Variants in CCDC14 observed in about 807,000 individuals in gnomAD.
CCDC14 encodes the protein coiled-coil domain-containing protein 14.
CCDC14 carries 71 observed loss-of-function variants against 81.4 expected under a neutral mutation model. The observed-to-expected ratio is 0.87, with a 90% CI of 0.72 to 1.06. The LOEUF is 1.06. Among genes scored for constraint, CCDC14 ranks in the 50% least tolerant of loss-of-function variants. The pLI, the probability that CCDC14 is intolerant of heterozygous loss-of-function variation, is 0.00. For missense variants in CCDC14, 1,046 were observed against 1,047.3 expected, an observed-to-expected ratio of 1.00 and a Z score of 0.02; for synonymous variants, 332 against 364.8, an observed-to-expected ratio of 0.91 and a Z score of 1.03.
the CCDC14 span, among the ~76,000 whole-genome samples, chr3:123,892,075 G>A: frequency 6.6e-6 from 1 of 152,160 alleles, no homozygotes; most frequent in Non-Finnish European, 1.5e-5. Flanking sequence ...TAACTATCTT[G>A]AGAAAAGCAC....
chr3:123,935,355 A>C (rs1487730113), intron 9 of CCDC14, among the ~76,000 whole-genome samples: 1 of 152,204 alleles, frequency 6.6e-6, no homozygotes, highest in Admixed American at 6.5e-5. Flanking sequence ...TGAAATGTCC[A>C]ACAAAATGTA....
the CCDC14 span, among the ~76,000 whole-genome samples, chr3:123,892,095 C>A: frequency 2.0e-5 from 3 of 152,170 alleles, no homozygotes; most frequent in Non-Finnish European, 4.4e-5. Context: ...CAGGAAAGAC[C>A]CGCCCCCATG....
intron 9 of CCDC14, among the ~76,000 whole-genome samples, chr3:123,936,197 G>A (rs1216618622): frequency 6.6e-6 from 1 of 151,688 alleles, no homozygotes; most frequent in Non-Finnish European, 1.5e-5. Flanking sequence ...TTCAGGGCTA[G>A]GCTTTTAAAA....
At chr3:123,928,731 T>C (rs1057185045) in intron 12 of CCDC14, among the ~76,000 whole-genome samples, 3 of 152,132 alleles carry the variant, frequency 2.0e-5, no homozygotes, top group African/African-American at 7.2e-5. Flanking sequence ...GTAAAAAAAT[T>C]ATAACGTTTA....
At chr3:123,910,754 A>G (rs983818313), downstream of CCDC14, among the ~76,000 whole-genome samples, 3 of 152,166 alleles carry the variant, frequency 2.0e-5, no homozygotes, top group Non-Finnish European at 4.4e-5. Context: ...AACTATTAAC[A>G]AGCTGTTTCA....
At chr3:123,946,776 C>A (rs1382521695) in intron 8 of CCDC14, 27 bp downstream of exon 8, 1 of 1,589,536 alleles carries the variant, frequency 6.3e-7, no homozygotes, top group South Asian at 1.2e-5. Context: ...TAACACCATA[C>A]TACAGAAAGT....
chr3:123,943,935 T>C (rs1183313475), intron 9 of CCDC14, among the ~76,000 whole-genome samples: 1 of 152,182 alleles, frequency 6.6e-6, no homozygotes, highest in East Asian at 1.9e-4. Context: ...TGAGCCGCTC[T>C]AGCAAATTAA....
chr3:123,905,052 G>T (rs2034277484), intron 5 of CCDC14, among the ~76,000 whole-genome samples: 2 of 152,162 alleles, frequency 1.3e-5, no homozygotes, highest in African/African-American at 4.8e-5. Context: ...AAGGGGAACT[G>T]GAAGAGTGAC....
intron 5 of CCDC14, among the ~76,000 whole-genome samples, chr3:123,951,835 A>C (rs924607747): frequency 2.0e-5 from 3 of 152,242 alleles, no homozygotes; most frequent in African/African-American, 7.2e-5. Flanking sequence ...TCAAAGCCTT[A>C]GAACTAAAAT....
intron 12 of CCDC14, among the ~76,000 whole-genome samples, chr3:123,928,985 A>C (rs2035547516): frequency 6.6e-6 from 1 of 152,224 alleles, no homozygotes; most frequent in Non-Finnish European, 1.5e-5. Flanking sequence ...AAAAAAATCA[A>C]AGTACTTTAT....
At chr3:123,907,381 G>A (rs982182523) in intron 5 of CCDC14, among the ~76,000 whole-genome samples, 3 of 151,904 alleles carry the variant, frequency 2.0e-5, no homozygotes, top group Non-Finnish European at 4.4e-5. Flanking sequence ...AAAGCCCATG[G>A]ATCCTCTCCC....
intron 12 of CCDC14, among the ~76,000 whole-genome samples, chr3:123,916,423 G>C (rs1324358016): frequency 6.6e-6 from 1 of 150,796 alleles, no homozygotes; most frequent in Non-Finnish European, 1.5e-5. Context: ...CTATTCATTT[G>C]TTATGGATTC....
downstream of CCDC14, among the ~76,000 whole-genome samples, chr3:123,894,859 G>A (rs13100237): frequency 0.099 from 15,091 of 151,928 alleles, 867 homozygotes; most frequent in Middle Eastern, 0.21. Context: ...TTGGAGTCTC[G>A]TTCTAAAAAG....
chr3:123,915,214 C>CTGTG lies in CCDC14; in HGVS notation c.2279_2282dup (p.Gln761HisfsTer17). On this transcript the variant is annotated frameshift_variant, in exon 13 of 13. Coordinates refer to ENST00000409697, the MANE Select transcript of CCDC14 (RefSeq NM_001366335.1). LOFTEE classifies it low-confidence loss of function (END_TRUNC). ...CAGCAAGTCCGCTGTTGCTGACTAG[C>CTGTG]TGTGTTGTAGCTGCTCTTATTTGTG... The CTGTG allele has an allele frequency of 6.2e-7, 1 of 1,613,724 alleles. No homozygotes were observed. The highest frequency in any genetic ancestry group is 1.1e-5 in the South Asian group (1 of 91,052).
At chr3:123,942,966 G>A (rs570342025) in intron 9 of CCDC14, among the ~76,000 whole-genome samples, 2 of 152,094 alleles carry the variant, frequency 1.3e-5, no homozygotes, top group South Asian at 4.1e-4. Flanking sequence ...TAAGTGTGGT[G>A]GGGCTACACG....
chr3:123,931,509 A>T lies in CCDC14; in HGVS notation c.1444T>A (p.Leu482Met). 6.4e-7 allele frequency: 1 copy of T among 1,557,716 alleles called. No homozygotes were observed. Among genetic ancestry groups the T allele is most frequent in the East Asian group, 2.3e-5 (1 of 42,878 alleles). ...CNLELFSLQS[L>M]NMSLQNQLEE... The stretch of plus-strand genomic sequence containing the variant: ...AATTGATTTTGCAGTGACATATTCA[A>T]TGACTGAAGAGAAAACACTGTTAAG... Residue 482 changes from leucine (L) to methionine (M), a missense_variant, in exon 11 of 13, where the codon TTG becomes ATG. Physicochemically the swap from Leu to Met is conservative, Grantham distance 15 (BLOSUM62 2). Coordinates refer to ENST00000409697, the MANE Select transcript of CCDC14 (RefSeq NM_001366335.1).
chr3:123,915,045 T>C lies in CCDC14; in HGVS notation c.2452A>G (p.Lys818Glu), dbSNP rs774462419. ...LLKKIKEAIGKIPAATKEPEE... is the reference protein window; with the variant it reads ...LLKKIKEAIGEIPAATKEPEE... ...GGCTCCTTGGTGGCAGCAGGGATCT[T>C]ACCAATTGCTTCCTTTATTTTCTTG... The change falls in exon 13 of 13, where the codon AAG becomes GAG. Residue 818 changes from lysine (K) to glutamate (E), a missense_variant. Physicochemically the swap from Lys to Glu is moderately conservative, Grantham distance 56. Transcript: ENST00000409697. 1 of 1,614,040 alleles carries C rather than the reference T, an allele frequency of 6.2e-7. No individual in the cohort carries two copies. The highest frequency in any genetic ancestry group is 8.5e-7 in the Non-Finnish European group (1 of 1,179,892).
intron 5 of CCDC14, chr3:123,949,387 T>A: frequency 2.3e-6 from 1 of 444,176 alleles, no homozygotes; most frequent in Non-Finnish European, 4.0e-6. Context: ...TACTTGCCAT[T>A]TGTAAAATCT....
intron 7 of CCDC14, 35 bp from the exon 8 acceptor site, chr3:123,947,354 G>T (rs1476019429): frequency 6.6e-7 from 1 of 1,518,398 alleles, no homozygotes; most frequent in South Asian, 1.2e-5. Context: ...TCAGAAGTAT[G>T]AGCACTCATT....
Sources: allele counts gnomAD v4.1 joint callset (sites outside exome capture counted in the v4.1 genomes callset), GRCh38; gene constraint gnomAD v4.1.1; transcripts MANE v1.5; gene names NCBI Gene and HGNC (gene_info 2026-07-23, HGNC 2026-07-21).